Variants in SAFB2 observed in about 807,000 individuals in gnomAD.
SAFB2 encodes scaffold attachment factor B2.
In SAFB2, 32 loss-of-function variants were observed where a neutral mutation model predicts 100.6. That is an observed-to-expected ratio of 0.32 (90% CI 0.24 to 0.43). The LOEUF (loss-of-function observed/expected upper bound fraction) is 0.43, where lower values mean the gene tolerates loss of function less well. Ranked by LOEUF, SAFB2 falls within the 20% of genes least tolerant of loss-of-function variation. SAFB2 has a pLI of 1.00. For synonymous variants in SAFB2, 500 were observed against 439.4 expected (o/e 1.14, Z -1.72); for missense variants, 1,185 against 1,163.4 (o/e 1.02, Z -0.27).
chr19:5,608,421 G>A (rs2052824935), intron 9 of SAFB2, among the ~76,000 whole-genome samples: 1 of 152,194 alleles, frequency 6.6e-6, no homozygotes, highest in Admixed American at 6.5e-5. Context: ...CAGTGTCCGA[G>A]TGAAGTCAAC....
At position 5,587,036 on chromosome 19, in the gene SAFB2, C is replaced by T. The variant is rs1337059703; in HGVS notation, c.*207G>A. 4.4e-6 allele frequency: 3 copies of T among 682,446 alleles called. No homozygotes were observed. The highest frequency in any genetic ancestry group is 7.2e-6 in the Non-Finnish European group (3 of 417,022). The allele number at this position is 682,446 out of a possible 1,614,324, so 42.3% of individuals were successfully genotyped here. A position where few individuals can be genotyped will look rare whatever the true frequency, so the allele number is the denominator to read the frequency against. On this transcript the variant is annotated 3_prime_UTR_variant, in exon 21 of 21. Coordinates refer to ENST00000252542, the MANE Select transcript of SAFB2 (RefSeq NM_014649.3). The surrounding 1 kb of genome is among the most constrained non-coding windows in gnomAD (Gnocchi z 4.9). ...ACTTTATTAATGGAAAATGGAATGC[C>T]TCGTTAACAGAAACCTTGATTTAAA...
chr19:5,615,396 T>C (rs1272623800), intron 4 of SAFB2, among the ~76,000 whole-genome samples: 1 of 151,000 alleles, frequency 6.6e-6, no homozygotes, highest in African/African-American at 2.4e-5. Context: ...AGGAGGAATA[T>C]CTACATGATG....
At chr19:5,619,749 G>A (rs2053103287) in intron 2 of SAFB2, among the ~76,000 whole-genome samples, 1 of 151,756 alleles carries the variant, frequency 6.6e-6, no homozygotes, top group African/African-American at 2.4e-5. Flanking sequence ...GGAGGCTGAG[G>A]CACAAGAATC....
intron 11 of SAFB2, among the ~76,000 whole-genome samples, chr19:5,602,674 A>G (rs1364438791): frequency 6.6e-6 from 1 of 151,990 alleles, no homozygotes; most frequent in African/African-American, 2.4e-5. Context: ...TACAAGGACC[A>G]AGGAAACTGC....
intron 4 of SAFB2, among the ~76,000 whole-genome samples, chr19:5,614,181 G>A (rs2052973438): frequency 6.6e-6 from 1 of 152,132 alleles, no homozygotes; most frequent in Non-Finnish European, 1.5e-5. Context: ...TTGAACTCCT[G>A]ACCTCAGGTG....
At position 5,600,171 on chromosome 19, in the gene SAFB2, A is replaced by C; in HGVS notation, c.1649T>G (p.Leu550Arg). 1 of 1,614,074 alleles carries C rather than the reference A, an allele frequency of 6.2e-7. No homozygotes were observed. The highest frequency in any genetic ancestry group is 1.3e-5 in the African/African-American group (1 of 74,996). Residue 550 changes from leucine (L) to arginine (R), a missense_variant, in exon 12 of 21, where the codon CTG becomes CGG. By Grantham distance (102) the Leu-to-Arg change is moderately radical. Transcript: ENST00000252542. ...IKKEEKDQDELKPGPTNRSRV... is the reference protein window; with the variant it reads ...IKKEEKDQDERKPGPTNRSRV... The stretch of plus-strand genomic sequence containing the variant: ...AGACCGATTTGTAGGTCCGGGTTTC[A>C]GCTCATCCTGGTCTTTTTCTTCCTT...
intron 1 of SAFB2, 43 bp downstream of exon 1, chr19:5,622,487 G>C (rs1568236695): frequency 3.3e-6 from 5 of 1,493,910 alleles, no homozygotes; most frequent in Admixed American, 4.1e-5. Flanking sequence ...GCGGGGGCGT[G>C]CCCGGGCCTC....
intron 18 of SAFB2, among the ~76,000 whole-genome samples, chr19:5,588,437 C>T (rs1452127540): frequency 1.3e-5 from 2 of 152,294 alleles, no homozygotes; most frequent in African/African-American, 4.8e-5. Context: ...GACATCTGTG[C>T]ATGAATGTTC....
Position 5,587,482 on chromosome 19 carries a change from G to A in SAFB2, c.2706-83C>T. The A allele has an allele frequency of 6.6e-7, 1 of 1,504,734 alleles. No homozygotes were observed. Among genetic ancestry groups the A allele is most frequent in the Non-Finnish European group, 8.9e-7 (1 of 1,120,130 alleles). 93.2% of individuals were successfully genotyped at this position (1,504,734 alleles called of 1,614,324 possible). A position where few individuals can be genotyped will look rare whatever the true frequency, so the allele number is the denominator to read the frequency against. On this transcript the variant is annotated intron_variant, in intron 20 of 20. Transcript: ENST00000252542. This position sits in a 1 kb window ranked among gnomAD's most constrained non-coding sequence, Gnocchi z 4.9. ...ACATGGGTTCAGTAACGGTCCCGCA[G>A]CCTTTAGAGCGCTTGGGTTTTTTTT... is the stretch of plus-strand genomic sequence containing the variant.
chr19:5,605,740 G>A (rs540991659), intron 9 of SAFB2, among the ~76,000 whole-genome samples: 1 of 152,194 alleles, frequency 6.6e-6, no homozygotes, highest in African/African-American at 2.4e-5. Flanking sequence ...ATGAAACGTA[G>A]GCAACGACAG....
At position 5,610,034 on chromosome 19, in the gene SAFB2, G is replaced by A. The variant is rs806706; in HGVS notation, c.1257C>T (p.Arg419=). Residue 419 remains arginine (R), a synonymous_variant, in exon 9 of 21, where the codon CGC becomes CGT. Transcript: ENST00000252542. ...LWVSGLSSTT[R]ATDLKNLFSK... is the part of the protein sequence containing the mutation. ...TGAAAAGGTTCTTGAGATCCGTAGCGCGTGTTGTGGAGGACAGCCCGCTGA... is the reference window on the plus strand; with the variant it reads ...TGAAAAGGTTCTTGAGATCCGTAGCACGTGTTGTGGAGGACAGCCCGCTGA... The A allele has an allele frequency of 0.027, 43,949 of 1,614,052 alleles. 743 individuals carry two copies. The highest frequency in any genetic ancestry group is 0.031 in the Middle Eastern group (190 of 6,062).
At chr19:5,591,992 T>G (rs1021783316) in intron 16 of SAFB2, among the ~76,000 whole-genome samples, 199 bp from the exon 17 acceptor site, 1 of 152,060 alleles carries the variant, frequency 6.6e-6, no homozygotes, top group Non-Finnish European at 1.5e-5. Context: ...CCTAAAGAGG[T>G]AGGAATAAAG....
At chr19:5,612,434 A>G in intron 6 of SAFB2, 106 bp downstream of exon 6, 4 of 1,027,026 alleles carry the variant, frequency 3.9e-6, no homozygotes, top group South Asian at 1.3e-5. Flanking sequence ...ATTGTCCACC[A>G]TTAGAGCAAT....
At position 5,622,648 on chromosome 19, in the gene SAFB2, G is replaced by A. The variant is rs752204084; in HGVS notation, c.68C>T (p.Ala23Val). 6.2e-7 allele frequency: 1 copy of A among 1,609,876 alleles called. No homozygotes were observed. Among genetic ancestry groups the A allele is most frequent in the South Asian group, 1.1e-5 (1 of 90,782 alleles). The change falls in exon 1 of 21, where the codon GCG becomes GTG. Residue 23 changes from alanine to valine, a missense_variant. Transcript: ENST00000252542. ...GCTGAGCCGCCTCGTCCCAGTCTCC[G>A]CAACGCCCGGGCCGAGAGAAGCCGT... ...PGTASLGPGV[A>V]ETGTRRLSEL...
chr19:5,621,253 C>T (rs1027775404), intron 2 of SAFB2, 56 bp downstream of exon 2: 2 of 1,167,128 alleles, frequency 1.7e-6, no homozygotes, highest in Non-Finnish European at 2.6e-6. Context: ...GCACACTACA[C>T]ACCATTTCTC....
intron 9 of SAFB2, among the ~76,000 whole-genome samples, chr19:5,605,789 T>C (rs1450027612): frequency 6.6e-6 from 1 of 152,110 alleles, no homozygotes; most frequent in African/African-American, 2.4e-5. Context: ...AAGACAACAA[T>C]CCCTGAGAGC....
chr19:5,606,266 G>C (rs972201901), intron 9 of SAFB2, among the ~76,000 whole-genome samples: 2 of 152,090 alleles, frequency 1.3e-5, no homozygotes, highest in East Asian at 3.8e-4. Context: ...AAAGCTCAAG[G>C]GTATTTGTAG....
chr19:5,620,141 T>C (rs1402778049), intron 2 of SAFB2, among the ~76,000 whole-genome samples: 1 of 152,210 alleles, frequency 6.6e-6, no homozygotes, highest in African/African-American at 2.4e-5. Context: ...CAAAAACGCA[T>C]CCATGTGTCA....
Position 5,592,832 on chromosome 19 carries a change from G to C in SAFB2, c.2263C>G (p.Arg755Gly). Residue 755 changes from arginine (R) to glycine (G), a missense_variant, in exon 16 of 21, where the codon CGT becomes GGT. Around this residue, in one of 3 missense-constraint regions of SAFB2, gnomAD observed 740 missense variants for 687.1 expected, o/e 1.08. Coordinates refer to ENST00000252542, the MANE Select transcript of SAFB2 (RefSeq NM_014649.3). ...GKRVAMEDRY[R>G]ADFPRPDHRF... is the part of the protein sequence containing the mutation. ...TGGTCTGGCCGGGGAAAGTCTGCAC[G>C]ATATCGGTCCTCCATTGCCACACGC... 1 of 1,614,162 alleles carries C rather than the reference G, an allele frequency of 6.2e-7. No individual in the cohort carries two copies. Among genetic ancestry groups the C allele is most frequent in the South Asian group, 1.1e-5 (1 of 91,070 alleles).
Sources: allele counts gnomAD v4.1 joint callset (sites outside exome capture counted in the v4.1 genomes callset), GRCh38; gene constraint gnomAD v4.1.1; regional missense constraint gnomAD v4.1.1; non-coding constraint Gnocchi (gnomAD v3.1); transcripts MANE v1.5; gene names NCBI Gene and HGNC (gene_info 2026-07-23, HGNC 2026-07-21).